The following AGO3 variants were observed in gnomAD, a reference collection of about 807,000 sequenced individuals.
The protein encoded by AGO3 is protein argonaute-3.
In AGO3, 16 loss-of-function variants were observed where a neutral mutation model predicts 105.5. The ratio of observed to expected loss-of-function variants is 0.15; its 90% CI spans 0.10 to 0.23. AGO3 has a LOEUF of 0.23. Ranked by LOEUF, AGO3 falls within the 10% of genes least tolerant of loss-of-function variation. AGO3 has a pLI of 1.00. For missense variants in AGO3, 534 were observed against 1,088.0 expected, an observed-to-expected ratio of 0.49 and a Z score of 7.16; for synonymous variants, 340 against 367.3, an observed-to-expected ratio of 0.93 and a Z score of 0.85.
chr1:35,967,418 A>T (rs540513410), intron 3 of AGO3, among the ~76,000 whole-genome samples: 1 of 150,908 alleles, frequency 6.6e-6, no homozygotes, highest in Non-Finnish European at 1.5e-5. Context: ...ATTTTATTTT[A>T]TTTTATTTTA....
intron 2 of AGO3, among the ~76,000 whole-genome samples, chr1:35,958,842 A>G (rs903734048): frequency 2.6e-5 from 4 of 152,222 alleles, no homozygotes; most frequent in Non-Finnish European, 5.9e-5. Flanking sequence ...TGTGTTTTAT[A>G]AACCTCTGGA....
In AGO3 at chr1:36,055,467, A is replaced by G. The variant is rs1012908776; in HGVS notation, c.2475-170A>G. 1.3e-5 allele frequency among the ~76,000 whole-genome samples: 2 copies of G among 152,212 alleles called. No individual in the cohort carries two copies. The highest frequency in any genetic ancestry group is 2.9e-5 in the Non-Finnish European group (2 of 68,034). ...GGGGAGGTGAGAGAAGTAAAACAAAATTGGCCTTGAGTTAATAGTGATTGA... is the reference window on the plus strand; with the variant it reads ...GGGGAGGTGAGAGAAGTAAAACAAAGTTGGCCTTGAGTTAATAGTGATTGA... On this transcript the variant is annotated intron_variant, in intron 18 of 18. Transcript: ENST00000373191. The surrounding 1 kb of genome is among the most constrained non-coding windows in gnomAD (Gnocchi z 4.4).
rs1387474233 is a variant in AGO3 at position 36,063,159 on chromosome 1, T to C, written c.*7414T>C. ...CCAATAAACCATTAACACTATTTTG[T>C]AACTTAGAATATTTAATGTTGTTTA... On this transcript the variant is annotated 3_prime_UTR_variant, in exon 19 of 19. Transcript: ENST00000373191. 2 of 152,200 alleles carry C rather than the reference T, an allele frequency of 1.3e-5. No homozygotes were observed. The highest frequency in any genetic ancestry group is 1.3e-4 in the Admixed American group (2 of 15,282). 9.4% of individuals were successfully genotyped at this position (152,200 alleles called of 1,614,324 possible).
chr1:35,959,814 T>C (rs1646641144), intron 2 of AGO3, among the ~76,000 whole-genome samples: 1 of 152,126 alleles, frequency 6.6e-6, no homozygotes, highest in African/African-American at 2.4e-5. Flanking sequence ...AGTGTATTCA[T>C]TTGTTATTTG....
chr1:36,068,396 G>A lies in AGO3; in HGVS notation c.*12651G>A, dbSNP rs1643121122. 1 of 152,140 alleles carries A rather than the reference G, an allele frequency of 6.6e-6. No homozygotes were observed. The highest frequency in any genetic ancestry group is 6.5e-5 in the Admixed American group (1 of 15,268). 9.4% of individuals were successfully genotyped at this position (152,140 alleles called of 1,614,324 possible). ...ATTGTTGATATTAGCCAGATGTGGT[G>A]GTTTGCACCTGTAGTCCGAACTTCT... On this transcript the variant is annotated 3_prime_UTR_variant, in exon 19 of 19. Transcript: ENST00000373191.
At chr1:35,967,550 G>C (rs552531378) in intron 3 of AGO3, among the ~76,000 whole-genome samples, 15 of 152,052 alleles carry the variant, frequency 9.9e-5, no homozygotes, top group African/African-American at 3.6e-4. Context: ...GAGTAGCTGG[G>C]ATTACAGGCA....
intron 9 of AGO3, among the ~76,000 whole-genome samples, chr1:36,011,454 C>A (rs1197942042): frequency 6.6e-6 from 1 of 151,434 alleles, no homozygotes; most frequent in African/African-American, 2.4e-5. Context: ...TTGGATTTTT[C>A]TCTGATTCTA....
intron 9 of AGO3, among the ~76,000 whole-genome samples, chr1:36,009,922 T>A (rs993995566): frequency 1.4e-5 from 2 of 141,636 alleles, no homozygotes; most frequent in Non-Finnish European, 3.0e-5. Flanking sequence ...TGACTAGCAA[T>A]ACTAAAATTC....
At chr1:35,998,808 T>C (rs1174758196) in intron 5 of AGO3, among the ~76,000 whole-genome samples, 1 of 152,174 alleles carries the variant, frequency 6.6e-6, no homozygotes, top group African/African-American at 2.4e-5. Flanking sequence ...TTTTTTCTTA[T>C]AGTTTTCATG....
rs1379443310 is a variant in AGO3, at chr1:36,067,157, T to C, written c.*11412T>C. ...CACCAAGCAGGGCCTTTCCAGACAA[T>C]GTAGTCTTTCCTGTAAAGAAAATGG... On this transcript the variant is annotated 3_prime_UTR_variant, in exon 19 of 19. Coordinates refer to ENST00000373191, the MANE Select transcript of AGO3 (RefSeq NM_024852.4). 2 of 151,416 alleles carry C rather than the reference T, an allele frequency of 1.3e-5. No individual in the cohort carries two copies. The highest frequency in any genetic ancestry group is 6.6e-5 in the Admixed American group (1 of 15,226). The allele number at this position is 151,416 out of a possible 1,614,324, so 9.4% of individuals were successfully genotyped here.
intron 16 of AGO3, among the ~76,000 whole-genome samples, chr1:36,042,590 C>T (rs542536435): frequency 1.3e-5 from 2 of 152,246 alleles, no homozygotes; most frequent in Middle Eastern, 3.4e-3. Flanking sequence ...TTATCTGAGT[C>T]AGTAAAATAG....
chr1:35,981,013 A>C lies in AGO3; in HGVS notation c.658+7502A>C, dbSNP rs187571593. Among the ~76,000 whole-genome samples, 48 of 151,728 alleles carry C rather than the reference A, an allele frequency of 3.2e-4. 1 individual carries two copies. The highest frequency in any genetic ancestry group is 1.8e-3 in the Admixed American group (28 of 15,238). ...TTCTTTTTCTCCCATTTCTTTTCTG[A>C]GTTCTGCCATGCTTGTTTCACTACA... On this transcript the variant is annotated intron_variant, in intron 5 of 18. Coordinates refer to ENST00000373191, the MANE Select transcript of AGO3 (RefSeq NM_024852.4).
chr1:36,001,289 C>T (rs1323813300), intron 5 of AGO3, among the ~76,000 whole-genome samples: 2 of 151,722 alleles, frequency 1.3e-5, no homozygotes, highest in Non-Finnish European at 2.9e-5. Flanking sequence ...TGGATGTATA[C>T]CAAAAAAATA....
chr1:36,070,214 G>T lies in AGO3; in HGVS notation c.*14469G>T, dbSNP rs1343449291. Reference sequence around the variant, plus strand: ...CCGATTTTTGGTACCTTTCTTTGAAGAAGAGGGTTAGATTTTAAGAAAGAA... The same window carrying T: ...CCGATTTTTGGTACCTTTCTTTGAATAAGAGGGTTAGATTTTAAGAAAGAA... On this transcript the variant is annotated 3_prime_UTR_variant, in exon 19 of 19. Transcript: ENST00000373191. 6.6e-6 allele frequency: 1 copy of T among 152,160 alleles called. No individual in the cohort carries two copies. Among genetic ancestry groups the T allele is most frequent in the African/African-American group, 2.4e-5 (1 of 41,430 alleles). 9.4% of individuals were successfully genotyped at this position (152,160 alleles called of 1,614,324 possible).
At chr1:35,943,853 G>A (rs777427861) in intron 1 of AGO3, among the ~76,000 whole-genome samples, 2 of 151,464 alleles carry the variant, frequency 1.3e-5, no homozygotes, top group Non-Finnish European at 2.9e-5. Context: ...TGCCCACCTC[G>A]GCCTCCCAAA....
At chr1:35,959,493 A>G (rs1396103321) in intron 2 of AGO3, among the ~76,000 whole-genome samples, 1 of 152,222 alleles carries the variant, frequency 6.6e-6, no homozygotes, top group Non-Finnish European at 1.5e-5. Context: ...AGACATTCTT[A>G]TCTGTGTTTA....
At chr1:36,005,919 G>A in intron 6 of AGO3, 1 of 982,994 alleles carries the variant, frequency 1.0e-6, no homozygotes, top group Non-Finnish European at 1.2e-6. Context: ...TTGGTTGGAT[G>A]GAGGGTTTGG....
In AGO3 at chr1:36,039,786, C is replaced by T; in HGVS notation, c.1843-4C>T. ...ATTTATTTATTTTACTTTTTCTAAC[C>T]TAGGTTGTAGGTAGTATGGATGCAC... On this transcript the variant is annotated splice_region_variant and splice_polypyrimidine_tract_variant and intron_variant, in intron 14 of 18. Coordinates refer to ENST00000373191, the MANE Select transcript of AGO3 (RefSeq NM_024852.4). The T allele has an allele frequency of 2.9e-6, 4 of 1,401,568 alleles. No homozygotes were observed. The highest frequency in any genetic ancestry group is 2.6e-5 in the East Asian group (1 of 37,922). 86.8% of individuals were successfully genotyped at this position (1,401,568 alleles called of 1,614,324 possible). A position where few individuals can be genotyped will look rare whatever the true frequency, so the allele number is the denominator to read the frequency against.
chr1:36,049,542 C>G (rs1017632195), intron 17 of AGO3, among the ~76,000 whole-genome samples: 1 of 151,174 alleles, frequency 6.6e-6, no homozygotes, highest in Non-Finnish European at 1.5e-5. Context: ...AAAAGAAAAA[C>G]TACTGGGTGC....
Sources: allele counts gnomAD v4.1 joint callset (sites outside exome capture counted in the v4.1 genomes callset), GRCh38; gene constraint gnomAD v4.1.1; non-coding constraint Gnocchi (gnomAD v3.1); transcripts MANE v1.5; gene names NCBI Gene and HGNC (gene_info 2026-07-23, HGNC 2026-07-21).